The following STRBP variants were observed in gnomAD, a reference collection of about 807,000 sequenced individuals.
STRBP encodes spermatid perinuclear RNA-binding protein.
Under a neutral mutation model 80.1 loss-of-function variants are expected in STRBP, and 13 were observed. That is an observed-to-expected ratio of 0.16 (90% CI 0.11 to 0.26). STRBP has a LOEUF of 0.26. STRBP is among the 10% of genes least tolerant of loss of function. STRBP has a pLI of 1.00. For synonymous variants in STRBP, 284 were observed against 291.2 expected, an observed-to-expected ratio of 0.98 and a Z score of 0.25; for missense variants, 485 against 815.2, an observed-to-expected ratio of 0.59 and a Z score of 4.93.
chr9:123,185,410 AT>A (rs1443853681), intron 2 of STRBP, among the ~76,000 whole-genome samples: 2 of 152,152 alleles, frequency 1.3e-5, no homozygotes, highest in African/African-American at 2.4e-5. Context: ...CTTTAAAAAA[AT>A]GATACTATTT....
intron 2 of STRBP, among the ~76,000 whole-genome samples, chr9:123,218,664 C>T (rs980448115): frequency 2.7e-4 from 41 of 152,146 alleles, no homozygotes; most frequent in African/African-American, 8.2e-4. Context: ...CCACCGCGCC[C>T]GGCCTAAATA....
intron 2 of STRBP, among the ~76,000 whole-genome samples, chr9:123,222,589 T>G (rs560684440): frequency 2.8e-4 from 42 of 152,200 alleles, no homozygotes; most frequent in African/African-American, 9.6e-4. Context: ...AAAAAGATAA[T>G]CAAGGAGTAC....
chr9:123,141,287 T>C (rs1448885440), intron 13 of STRBP, among the ~76,000 whole-genome samples: 1 of 152,344 alleles, frequency 6.6e-6, no homozygotes, highest in Non-Finnish European at 1.5e-5. Context: ...ACAATTCATA[T>C]GGAGAACTTG....
rs1400431158 is a variant in STRBP, at chr9:123,221,486, CTT to C, written c.-165+15342_-165+15343del. ...ATCAATTAACTGTTAAAAATCTACA[CTT>C]TGAAAACAGGAAAATTAAAAGACTA... On this transcript the variant is annotated intron_variant, in intron 2 of 18. Coordinates refer to ENST00000348403, the MANE Select transcript of STRBP (RefSeq NM_018387.5). Among the ~76,000 whole-genome samples, 3 of 152,202 alleles carry C rather than the reference CTT, an allele frequency of 2.0e-5. No homozygotes were observed. In the East Asian group the frequency reaches 5.8e-4, roughly 29 times the overall value.
At chr9:123,131,538 T>C (rs959268909) in intron 17 of STRBP, among the ~76,000 whole-genome samples, 4 of 152,194 alleles carry the variant, frequency 2.6e-5, no homozygotes, top group Admixed American at 2.0e-4. Context: ...CTTCTTTGAG[T>C]TAACTCCTAT....
chr9:123,261,537 C>T (rs1245356400), intron 1 of STRBP, among the ~76,000 whole-genome samples: 2 of 152,154 alleles, frequency 1.3e-5, no homozygotes, highest in African/African-American at 4.8e-5. Context: ...AACAATAATA[C>T]TGACCAACTT....
intron 6 of STRBP, among the ~76,000 whole-genome samples, chr9:123,164,023 C>T (rs1479687256): frequency 6.6e-6 from 1 of 151,974 alleles, no homozygotes; most frequent in African/African-American, 2.4e-5. Flanking sequence ...AGAAATATAG[C>T]ATTTTTTTGT....
chr9:123,243,664 G>A (rs555741882), intron 1 of STRBP, among the ~76,000 whole-genome samples: 1 of 58,540 alleles, frequency 1.7e-5, no homozygotes, highest in East Asian at 5.0e-3. Context: ...TAGAAAATGG[G>A]CAAAAACATG....
At chr9:123,132,251 C>T (rs1228562619) in intron 17 of STRBP, among the ~76,000 whole-genome samples, 6 of 152,054 alleles carry the variant, frequency 3.9e-5, no homozygotes, top group Admixed American at 2.0e-4. Context: ...TACCAGTTTC[C>T]TTCCTTGGAA....
chr9:123,164,127 C>A (rs2037648531), intron 6 of STRBP, among the ~76,000 whole-genome samples: 1 of 152,144 alleles, frequency 6.6e-6, no homozygotes, highest in Non-Finnish European at 1.5e-5. Context: ...CTCACTGCAA[C>A]CTCCGCCTCC....
In STRBP at chr9:123,139,664, T is replaced by TGGA; in HGVS notation, c.1359_1361dup (p.Pro454dup). Reference sequence around the variant, plus strand: ...ATTCAATATCTGCATCAAAGCCTGTTGGATATCCCATTGCCTGCAATACCT... The same window carrying TGGA: ...ATTCAATATCTGCATCAAAGCCTGTTGGAGGATATCCCATTGCCTGCAATACCT... On this transcript the variant is annotated inframe_insertion, in exon 14 of 19. Coordinates refer to ENST00000348403, the MANE Select transcript of STRBP (RefSeq NM_018387.5). 6.2e-7 allele frequency: 1 copy of TGGA among 1,612,114 alleles called. No homozygotes were observed.
intron 1 of STRBP, among the ~76,000 whole-genome samples, chr9:123,257,761 G>A (rs1397414073): frequency 1.3e-5 from 2 of 152,044 alleles, no homozygotes; most frequent in African/African-American, 4.8e-5. Context: ...AGGCTGCAGT[G>A]AGCCGTGATC....
At chr9:123,180,896 T>C in intron 3 of STRBP, 2 of 980,368 alleles carry the variant, frequency 2.0e-6, no homozygotes, top group Non-Finnish European at 2.4e-6. Flanking sequence ...ACATGGTAAA[T>C]ATTTTGTTTT....
intron 2 of STRBP, among the ~76,000 whole-genome samples, chr9:123,192,452 A>G (rs1436060526): frequency 6.6e-6 from 1 of 152,206 alleles, no homozygotes; most frequent in Middle Eastern, 3.2e-3. Flanking sequence ...ATTAAACTCA[A>G]ACAAAGGGCT....
chr9:123,235,275 A>G (rs573895353), intron 2 of STRBP, among the ~76,000 whole-genome samples: 15 of 151,950 alleles, frequency 9.9e-5, no homozygotes, highest in African/African-American at 3.4e-4. Flanking sequence ...GTTGAAGGAT[A>G]AGCCTTTTTT....
intron 2 of STRBP, among the ~76,000 whole-genome samples, chr9:123,208,249 C>G (rs1309299929): frequency 6.6e-6 from 1 of 151,946 alleles, no homozygotes; most frequent in African/African-American, 2.4e-5. Flanking sequence ...ACAAAAAGCA[C>G]CAAAGAAGGT....
In STRBP at chr9:123,122,453, AAAAAG is replaced by A. The variant is rs766828309; in HGVS notation, c.*3139_*3143del. 1.3e-4 allele frequency: 161 copies of A among 1,222,230 alleles called. No individual in the cohort carries two copies. The highest frequency in any genetic ancestry group is 1.6e-4 in the Non-Finnish European group (152 of 963,876). 75.7% of individuals were successfully genotyped at this position (1,222,230 alleles called of 1,614,324 possible). A position where few individuals can be genotyped will look rare whatever the true frequency, so the allele number is the denominator to read the frequency against. On this transcript the variant is annotated 3_prime_UTR_variant, in exon 19 of 19. Transcript: ENST00000348403. ...TTCACCCAAAATTAAAAAAAAAAAA[AAAAAG>A]AAAAGGCCAATACCAGCAAAATCTC...
At chr9:123,200,187 A>G (rs2039263196) in intron 2 of STRBP, among the ~76,000 whole-genome samples, 1 of 152,162 alleles carries the variant, frequency 6.6e-6, no homozygotes, top group Non-Finnish European at 1.5e-5. Flanking sequence ...ACTGACTTGC[A>G]TATTTTAAAC....
intron 2 of STRBP, among the ~76,000 whole-genome samples, chr9:123,232,212 T>C (rs552999591): frequency 6.6e-6 from 1 of 152,126 alleles, no homozygotes; most frequent in African/African-American, 2.4e-5. Context: ...CTTGGGAGGC[T>C]GACGCAGGAG....
Sources: allele counts gnomAD v4.1 joint callset (sites outside exome capture counted in the v4.1 genomes callset), GRCh38; gene constraint gnomAD v4.1.1; transcripts MANE v1.5; gene names NCBI Gene and HGNC (gene_info 2026-07-23, HGNC 2026-07-21).